Variants in RPL3 observed in about 807,000 individuals in gnomAD.
The protein encoded by RPL3 is ribosomal protein L3, also known as large ribosomal subunit protein uL3.
In RPL3, 3 loss-of-function variants were observed where a neutral mutation model predicts 46.0. That is an observed-to-expected ratio of 0.07 (90% CI 0.03 to 0.17). The LOEUF (loss-of-function observed/expected upper bound fraction) is 0.17, where lower values mean the gene tolerates loss of function less well. Among genes scored for constraint, RPL3 ranks in the 10% least tolerant of loss-of-function variants. The pLI is 1.00. For synonymous variants in RPL3, 224 were observed against 190.8 expected (o/e 1.17, Z -1.43); for missense variants, 387 against 532.7 (o/e 0.73, Z 2.69).
chr22:39,313,013 T>G (rs754962068), intron 9 of RPL3, 29 bp from the exon 10 acceptor site: 3 of 1,613,904 alleles, frequency 1.9e-6, no homozygotes, highest in Non-Finnish European at 2.5e-6. Context: ...TGGTCAGAGG[T>G]AGAAGATGAC....
intron 1 of RPL3, 146 bp from the exon 2 acceptor site, chr22:39,318,738 T>G: frequency 1.2e-5 from 8 of 667,838 alleles, no homozygotes; most frequent in South Asian, 2.0e-5. Flanking sequence ...TCATTATCTC[T>G]TCCAGGCTCG....
rs1922496561 is a variant in RPL3 at position 39,313,638 on chromosome 22, C to T, written c.1043G>A (p.Arg348His). Reference protein sequence around the residue: ...VGTKKRVLTLRKSLLVQTKRR... With the variant: ...VGTKKRVLTLHKSLLVQTKRR... ...ACAAGTCAGGACCTGCCTCACCTTGCGGAGGGTGAGCACCCGCTTCTTGGT... is the reference window on the plus strand; with the variant it reads ...ACAAGTCAGGACCTGCCTCACCTTGTGGAGGGTGAGCACCCGCTTCTTGGT... The change falls in exon 8 of 10, where the codon CGC becomes CAC. Residue 348 changes from arginine (R) to histidine (H), a missense_variant. By Grantham distance (29) the Arg-to-His change is conservative. Coordinates refer to ENST00000216146, the MANE Select transcript of RPL3 (RefSeq NM_000967.4). The T allele has an allele frequency of 5.6e-6, 9 of 1,613,450 alleles. No individual in the cohort carries two copies. Among genetic ancestry groups the T allele is most frequent in the Non-Finnish European group, 7.6e-6 (9 of 1,179,884 alleles).
At chr22:39,319,418 G>T in intron 1 of RPL3, 177 bp downstream of exon 1, 1 of 839,108 alleles carries the variant, frequency 1.2e-6, no homozygotes. Context: ...TCCTCCAAGC[G>T]CTCTTCACAA....
At chr22:39,319,101 TTCA>T (rs1569162819) in intron 1 of RPL3, 1 of 538,204 alleles carries the variant, frequency 1.9e-6, no homozygotes, top group East Asian at 5.4e-5. Flanking sequence ...CGTCAATAAG[TTCA>T]TCATCTGTGG....
Position 39,317,613 on chromosome 22 carries a change from C to A in RPL3, c.213G>T (p.Glu71Asp). The A allele has an allele frequency of 6.2e-7, 1 of 1,613,836 alleles. No homozygotes were observed. The highest frequency in any genetic ancestry group is 8.5e-7 in the Non-Finnish European group (1 of 1,179,772). Reference sequence around the variant, plus strand: ...CTACAATGGTCACAGCCTCCACCACCTCCTTCTTGTTCACCTCTGCAAAAA... The same window carrying A: ...CTACAATGGTCACAGCCTCCACCACATCCTTCTTGTTCACCTCTGCAAAAA... Reference protein sequence around the residue: ...DRPGSKVNKKEVVEAVTIVET... With the variant: ...DRPGSKVNKKDVVEAVTIVET... Residue 71 changes from glutamate (E) to aspartate (D), a missense_variant, in exon 3 of 10, where the codon GAG becomes GAT. Physicochemically the swap from Glu to Asp is conservative, Grantham distance 45. Around this residue, in one of 5 missense-constraint regions of RPL3, gnomAD observed 196 missense variants for 217.5 expected, o/e 0.90. Transcript: ENST00000216146.
Position 39,319,603 on chromosome 22 carries a change from C to A in RPL3, c.-6G>T, listed in dbSNP as rs143897309. ...GCCATTACAACACATACCATCACGC[C>A]ATCAAATCCCGCCGGTAGAGGCCGG... On this transcript the variant is annotated 5_prime_UTR_variant, in exon 1 of 10. An upstream start codon of the reference 5' UTR is lost. Coordinates refer to ENST00000216146, the MANE Select transcript of RPL3 (RefSeq NM_000967.4). 31 of 1,548,868 alleles carry A rather than the reference C, an allele frequency of 2.0e-5. No individual in the cohort carries two copies. The highest frequency in any genetic ancestry group is 2.5e-5 in the Non-Finnish European group (28 of 1,142,246).
chr22:39,314,525 A>G, intron 6 of RPL3, 161 bp downstream of exon 6: 3 of 899,252 alleles, frequency 3.3e-6, no homozygotes, highest in Non-Finnish European at 5.0e-6. Context: ...GCACCTTACA[A>G]ATCATCAAGA....
At position 39,318,536 on chromosome 22, in the gene RPL3, C is replaced by G. The variant is rs766573671; in HGVS notation, c.60G>C (p.Lys20Asn). The change falls in exon 2 of 10, where the codon AAG becomes AAC. Residue 20 changes from lysine (K) to asparagine (N), a missense_variant. This residue lies in a region of RPL3 where 196 missense variants were observed against 217.5 expected (regional missense o/e 0.90). Coordinates refer to ENST00000216146, the MANE Select transcript of RPL3 (RefSeq NM_000967.4). Reference protein sequence around the residue: ...RHGSLGFLPRKRSSRHRGKVK... With the variant: ...RHGSLGFLPRNRSSRHRGKVK... ...CCTTCCCACGATGCCTGCTGCTGCGCTTCCGAGGCAGGAAGCCGAGGGACC... is the reference window on the plus strand; with the variant it reads ...CCTTCCCACGATGCCTGCTGCTGCGGTTCCGAGGCAGGAAGCCGAGGGACC... 6.2e-7 allele frequency: 1 copy of G among 1,613,654 alleles called. No individual in the cohort carries two copies. The highest frequency in any genetic ancestry group is 1.7e-5 in the Admixed American group (1 of 59,928).
chr22:39,317,758 A>C, intron 2 of RPL3, 129 bp from the exon 3 acceptor site: 1 of 981,108 alleles, frequency 1.0e-6, no homozygotes, highest in Non-Finnish European at 1.5e-6. Flanking sequence ...GTACGGACTC[A>C]CAGGGCTGTC....
intron 3 of RPL3, 132 bp downstream of exon 3, chr22:39,317,329 G>T: frequency 9.6e-7 from 1 of 1,045,356 alleles, no homozygotes; most frequent in African/African-American, 1.6e-5. Flanking sequence ...GTATTTTTCT[G>T]TTCGAGAGGC....
At chr22:39,313,065 G>A (rs1478096403) in intron 9 of RPL3, 81 bp from the exon 10 acceptor site, 2 of 1,608,302 alleles carry the variant, frequency 1.2e-6, no homozygotes, top group Middle Eastern at 1.6e-4. Flanking sequence ...CCAAGACTCT[G>A]GGCCAGTCTC....
At chr22:39,317,807 T>G in intron 2 of RPL3, 178 bp from the exon 3 acceptor site, 1 of 638,178 alleles carries the variant, frequency 1.6e-6, no homozygotes, top group Non-Finnish European at 2.7e-6. Flanking sequence ...ATTTATGTTA[T>G]TCAAACAAAA....
At chr22:39,314,658 C>T (rs1011934269) in intron 6 of RPL3, 28 bp downstream of exon 6, 3 of 1,596,886 alleles carry the variant, frequency 1.9e-6, no homozygotes, top group East Asian at 2.3e-5. Flanking sequence ...CTCTTCCCAC[C>T]CCCAGGGAGC....
At chr22:39,318,744 G>C (rs1396672505) in intron 1 of RPL3, 152 bp from the exon 2 acceptor site, 1 of 645,414 alleles carries the variant, frequency 1.5e-6, no homozygotes, top group African/African-American at 1.8e-5. Flanking sequence ...TCTCTTCCAG[G>C]CTCGCACGTG....
intron 2 of RPL3, chr22:39,318,188 C>T (rs569286745): frequency 3.8e-5 from 21 of 554,924 alleles, no homozygotes; most frequent in South Asian, 2.1e-4. Flanking sequence ...TACCCCACAC[C>T]GCACCTAAAG....
chr22:39,319,042 C>G (rs116372447), intron 1 of RPL3: 7,699 of 537,750 alleles, frequency 0.014, 273 homozygotes, highest in Admixed American at 0.077. Context: ...CAAAGAACTC[C>G]GCAGAGCCAA....
chr22:39,315,232 C>T (rs1265204786), intron 5 of RPL3, 137 bp downstream of exon 5: 7 of 1,222,382 alleles, frequency 5.7e-6, no homozygotes, highest in African/African-American at 1.5e-5. Flanking sequence ...AGAAGGAAGG[C>T]AGTAGAGAAT....
At chr22:39,313,999 TTG>T (rs1488946295) in intron 7 of RPL3, 106 bp downstream of exon 7, 1 of 925,636 alleles carries the variant, frequency 1.1e-6, no homozygotes, top group African/African-American at 1.6e-5. Context: ...CAGCTAGGTG[TTG>T]TGTTGGCTTC....
At chr22:39,315,658 A>G in intron 4 of RPL3, 103 bp from the exon 5 acceptor site, 1 of 1,370,534 alleles carries the variant, frequency 7.3e-7, no homozygotes, top group Non-Finnish European at 1.0e-6. Flanking sequence ...CACACGGCAA[A>G]AAGCCAGTAA....
Sources: allele counts gnomAD v4.1 joint callset, GRCh38; gene constraint gnomAD v4.1.1; regional missense constraint gnomAD v4.1.1; transcripts MANE v1.5; gene names NCBI Gene and HGNC (gene_info 2026-07-23, HGNC 2026-07-21).